The following TXNDC9 variants were observed in gnomAD, a reference collection of about 807,000 sequenced individuals.
TXNDC9 encodes thioredoxin domain-containing protein 9.
A neutral mutation model predicts 23.0 loss-of-function variants in TXNDC9; 7 were observed. The ratio of observed to expected loss-of-function variants is 0.30; its 90% CI spans 0.17 to 0.57. The LOEUF is 0.57. Among genes scored for constraint, TXNDC9 ranks in the 20% least tolerant of loss-of-function variants. TXNDC9 has a pLI of 0.90. For synonymous variants in TXNDC9, 72 were observed against 90.6 expected (o/e 0.79, Z 1.17); for missense variants, 198 against 252.6 (o/e 0.78, Z 1.47).
At chr2:99,315,576 G>C (rs1156371438), downstream of TXNDC9, among the ~76,000 whole-genome samples, 3 of 152,122 alleles carry the variant, frequency 2.0e-5, no homozygotes, top group African/African-American at 7.2e-5. Flanking sequence ...ACATCAACAA[G>C]GCTTTGTGTA....
chr2:99,312,496 C>CAAAA, the TXNDC9 span, among the ~76,000 whole-genome samples: 2 of 61,292 alleles, frequency 3.3e-5, no homozygotes, highest in Non-Finnish European at 3.5e-5. Context: ...GACTCCGTCT[C>CAAAA]AAAAAAAAAA....
At chr2:99,309,778 C>T in the TXNDC9 span, among the ~76,000 whole-genome samples, 505 of 152,234 alleles carry the variant, frequency 3.3e-3, 3 homozygotes, top group African/African-American at 0.01. Flanking sequence ...CTTCTACCTC[C>T]CAGGTTCAAG....
chr2:99,308,784 T>G, the TXNDC9 span, among the ~76,000 whole-genome samples: 1 of 152,058 alleles, frequency 6.6e-6, no homozygotes, highest in Non-Finnish European at 1.5e-5. Context: ...CAATCTTGGC[T>G]CACTGCAAGC....
chr2:99,331,097 A>G (rs1373731779), intron 2 of TXNDC9, among the ~76,000 whole-genome samples: 2 of 152,244 alleles, frequency 1.3e-5, no homozygotes, highest in African/African-American at 4.8e-5. Flanking sequence ...ACTGCAAATC[A>G]GGTGAATTCA....
chr2:99,321,239 C>T (rs965411915), intron 4 of TXNDC9: 2 of 152,070 alleles, frequency 1.3e-5, no homozygotes, highest in Non-Finnish European at 2.9e-5. Context: ...CCTTCTACTT[C>T]CTGAAAGGCA....
the TXNDC9 span, among the ~76,000 whole-genome samples, chr2:99,309,965 G>A: frequency 4.6e-5 from 7 of 151,898 alleles, no homozygotes; most frequent in Non-Finnish European, 7.4e-5. Context: ...GATTACAAGC[G>A]TGAGCCACTG....
intron 2 of TXNDC9, among the ~76,000 whole-genome samples, chr2:99,332,534 C>G (rs2094228553): frequency 6.6e-6 from 1 of 152,200 alleles, no homozygotes. Context: ...CACAAACATT[C>G]TAAGAGGCAA....
the TXNDC9 span, among the ~76,000 whole-genome samples, chr2:99,308,903 C>A: frequency 2.6e-4 from 40 of 151,870 alleles, no homozygotes; most frequent in Non-Finnish European, 4.9e-4. Flanking sequence ...GGGGTTTCAC[C>A]ATGTTAGCCA....
At chr2:99,322,540 C>T (rs983867757) in intron 3 of TXNDC9, 10 of 1,484,824 alleles carry the variant, frequency 6.7e-6, no homozygotes, top group African/African-American at 1.4e-5. Flanking sequence ...TGAAACTTGA[C>T]AAAACTCGGA....
intron 3 of TXNDC9, among the ~76,000 whole-genome samples, chr2:99,326,277 C>A (rs1342476510): frequency 1.3e-5 from 2 of 152,116 alleles, no homozygotes; most frequent in Non-Finnish European, 2.9e-5. Context: ...GAATACCAGG[C>A]AATCAATTCT....
intron 1 of TXNDC9, among the ~76,000 whole-genome samples, chr2:99,334,112 A>G (rs1046179309): frequency 1.3e-5 from 2 of 152,216 alleles, no homozygotes; most frequent in African/African-American, 4.8e-5. Flanking sequence ...GCACTTTGGG[A>G]GGCCAAGGTG....
At chr2:99,335,915 G>A (rs1344074619) in intron 1 of TXNDC9, among the ~76,000 whole-genome samples, 2 of 152,260 alleles carry the variant, frequency 1.3e-5, no homozygotes, top group Non-Finnish European at 1.5e-5. Context: ...ACGGGACACA[G>A]CGCGTCCTCA....
chr2:99,322,350 A>G (rs2105320247), intron 3 of TXNDC9, 141 bp from the exon 4 acceptor site: 1 of 1,292,876 alleles, frequency 7.7e-7, no homozygotes, highest in Non-Finnish European at 1.0e-6. Flanking sequence ...CTTGTGTCAG[A>G]TGACCTCACT....
downstream of TXNDC9, among the ~76,000 whole-genome samples, chr2:99,316,734 T>C (rs2094189844): frequency 6.6e-6 from 1 of 152,072 alleles, no homozygotes; most frequent in African/African-American, 2.4e-5. Flanking sequence ...CTCTAGAATT[T>C]CTATTTGGCC....
At chr2:99,321,758 T>C (rs2094202286) in intron 4 of TXNDC9, 197 bp downstream of exon 4, 1 of 605,578 alleles carries the variant, frequency 1.7e-6, no homozygotes, top group Non-Finnish European at 2.7e-6. Context: ...ATCAGTTTAA[T>C]CTGTAAATCT....
chr2:99,334,696 A>G (rs2094234474), intron 1 of TXNDC9, among the ~76,000 whole-genome samples: 1 of 152,212 alleles, frequency 6.6e-6, no homozygotes, highest in Non-Finnish European at 1.5e-5. Flanking sequence ...AGTATTTTGT[A>G]CTAGCAATTA....
Position 99,327,546 on chromosome 2 carries a change from G to A in TXNDC9, c.297C>T (p.Asp99=). 1 of 1,608,882 alleles carries A rather than the reference G, an allele frequency of 6.2e-7. No homozygotes were observed. Among genetic ancestry groups the A allele is most frequent in the African/African-American group, 1.3e-5 (1 of 74,882 alleles). Residue 99 remains aspartate (D), a synonymous_variant, in exon 3 of 5, where the codon GAC becomes GAT. Transcript: ENST00000264255. The part of the protein sequence containing the change: ...SENVVCHFYR[D]STFRCKILDR... The stretch of plus-strand genomic sequence containing the variant: ...GGAAACAAAGTTACCTGAATGTGGA[G>A]TCTCTGTAGAAATGGCAAACCACAT...
rs72954283 is a variant in TXNDC9 at position 99,326,289 on chromosome 2, G to T, written c.308+1246C>A. ...AATGAATACCAGGCAATCAATTCTTGAAAGGTGTTAACTAACAATGAAGCT... is the reference window on the plus strand; with the variant it reads ...AATGAATACCAGGCAATCAATTCTTTAAAGGTGTTAACTAACAATGAAGCT... On this transcript the variant is annotated intron_variant, in intron 3 of 4. Transcript: ENST00000264255. Among the ~76,000 whole-genome samples the T allele has an allele frequency of 4.3e-3, 648 of 152,106 alleles. 8 individuals are homozygous for T. Among genetic ancestry groups the T allele is most frequent in the African/African-American group, 0.015 (618 of 41,498 alleles).
the TXNDC9 span, among the ~76,000 whole-genome samples, chr2:99,311,061 T>C: frequency 6.6e-6 from 1 of 152,108 alleles, no homozygotes; most frequent in Non-Finnish European, 1.5e-5. Context: ...GATCTCCCTC[T>C]GTTGTTCAGG....
Sources: allele counts gnomAD v4.1 joint callset (sites outside exome capture counted in the v4.1 genomes callset), GRCh38; gene constraint gnomAD v4.1.1; transcripts MANE v1.5; gene names NCBI Gene and HGNC (gene_info 2026-07-23, HGNC 2026-07-21).